The following KIF18B variants were observed in gnomAD, a reference collection of about 807,000 sequenced individuals.
The protein encoded by KIF18B is kinesin-like protein KIF18B.
KIF18B carries 49 observed loss-of-function variants against 80.9 expected under a neutral mutation model. The observed-to-expected ratio is 0.61, with a 90% CI of 0.48 to 0.77. KIF18B has a LOEUF of 0.77. Ranked by LOEUF, KIF18B falls within the 30% of genes least tolerant of loss-of-function variation. KIF18B has a pLI of 0.00. For synonymous variants in KIF18B, 439 were observed against 463.9 expected (o/e 0.95, Z 0.69); for missense variants, 994 against 1,127.7 (o/e 0.88, Z 1.70).
At chr17:44,946,592 A>G (rs979418837) in intron 1 of KIF18B, among the ~76,000 whole-genome samples, 6 of 152,246 alleles carry the variant, frequency 3.9e-5, no homozygotes, top group Non-Finnish European at 8.8e-5. Flanking sequence ...TAAGTGCTCA[A>G]TAGATATTAG....
At position 44,933,923 on chromosome 17, in the gene KIF18B, C is replaced by T. The variant is rs905981902; in HGVS notation, c.1062G>A (p.Ser354=). The T allele has an allele frequency of 2.6e-5, 40 of 1,558,352 alleles. No homozygotes were observed. Among genetic ancestry groups the T allele is most frequent in the Admixed American group, 5.8e-5 (3 of 52,134 alleles). Residue 354 remains serine (S), a splice_region_variant and synonymous_variant, in exon 7 of 16, where the codon TCG becomes TCA. Transcript: ENST00000593135. ...CAAGCCGGCCCTGGCTGGCACGCACCGAGAGCCTGATCTCCTTGGCCCGGT... is the reference window on the plus strand; with the variant it reads ...CAAGCCGGCCCTGGCTGGCACGCACTGAGAGCCTGATCTCCTTGGCCCGGT... ...YADRAKEIRL[S]LKSNVTSLDC... is the part of the protein sequence containing the mutation.
chr17:44,932,063 G>T lies in KIF18B; in HGVS notation c.1382C>A (p.Ala461Asp), dbSNP rs745924164. ...CACACCCCCAAGTCCTACCTCCTCA[G>T]CTGGGCCTTCATCCTCATCCTCTGG... ...QSPEDEDEGP[A>D]EEVPTQMPEQ... Residue 461 changes from alanine (A) to aspartate (D), a missense_variant, in exon 10 of 16, where the codon GCT becomes GAT. Coordinates refer to ENST00000593135, the MANE Select transcript of KIF18B (RefSeq NM_001265577.2). 3 of 1,610,996 alleles carry T rather than the reference G, an allele frequency of 1.9e-6. No homozygotes were observed. Among genetic ancestry groups the T allele is most frequent in the Non-Finnish European group, 1.7e-6 (2 of 1,178,064 alleles).
chr17:44,944,823 C>T (rs1477867665), intron 1 of KIF18B, among the ~76,000 whole-genome samples: 2 of 152,090 alleles, frequency 1.3e-5, no homozygotes, highest in African/African-American at 4.8e-5. Context: ...GTTGTTTTTT[C>T]CTAGAAAATT....
At chr17:44,941,186 A>C (rs1235026993) in intron 1 of KIF18B, among the ~76,000 whole-genome samples, 2 of 152,172 alleles carry the variant, frequency 1.3e-5, no homozygotes, top group Non-Finnish European at 2.9e-5. Flanking sequence ...ACATCGGGCT[A>C]TACTGCCTTA....
chr17:44,935,020 C>G (rs114378465), intron 3 of KIF18B, 85 bp from the exon 4 acceptor site: 4 of 1,044,086 alleles, frequency 3.8e-6, no homozygotes, highest in Non-Finnish European at 5.6e-6. Context: ...GGAGCTGAGG[C>G]CGGGATGTAT....
At chr17:44,943,442 T>C (rs2052456793) in intron 1 of KIF18B, among the ~76,000 whole-genome samples, 1 of 152,128 alleles carries the variant, frequency 6.6e-6, no homozygotes, top group South Asian at 2.1e-4. Flanking sequence ...CTGTAATTGA[T>C]GATAGCGTTG....
At chr17:44,945,671 G>A (rs544126370) in intron 1 of KIF18B, among the ~76,000 whole-genome samples, 5 of 152,116 alleles carry the variant, frequency 3.3e-5, no homozygotes, top group Admixed American at 6.6e-5. Flanking sequence ...TTGGGAGACC[G>A]AGGTGGGTGG....
chr17:44,945,763 G>A (rs371485047), intron 1 of KIF18B, among the ~76,000 whole-genome samples: 14 of 151,970 alleles, frequency 9.2e-5, no homozygotes, highest in East Asian at 1.9e-4. Flanking sequence ...AAAATTAGCC[G>A]GGTGTGGTGG....
In KIF18B at chr17:44,934,382, G is replaced by A; in HGVS notation, c.736C>T (p.Gln246Ter). ...DRVPGLTQAV[Q>*]VAKMSLIDLA... ...TCAATCAGGCTCATCTTGGCCACCT[G>A]GACAGCCTGGGTCAGTCCTGGAACC... The change falls in exon 6 of 16, where the codon CAG (glutamine) becomes TAG (stop). Residue 246 changes from glutamine (Q) to a stop codon, truncating the protein, a stop_gained. Transcript: ENST00000593135. LOFTEE classifies it high-confidence loss of function. The surrounding 1 kb of genome is among the most constrained non-coding windows in gnomAD (Gnocchi z 5.4). 1 of 1,606,692 alleles carries A rather than the reference G, an allele frequency of 6.2e-7. No homozygotes were observed. The highest frequency in any genetic ancestry group is 8.5e-7 in the Non-Finnish European group (1 of 1,176,430).
rs59137224 is a variant in KIF18B at position 44,936,555 on chromosome 17, ACTCTCTCTCT to A, written c.-14-207_-14-198del. ...ATACCATCTTTGTCATACTCAAATG[ACTCTCTCTCT>A]CTCTCTCTCTCTCTCTCTCTCTCTC... On this transcript the variant is annotated intron_variant, in intron 1 of 15. Transcript: ENST00000593135. 8.1e-3 allele frequency among the ~76,000 whole-genome samples: 300 copies of A among 37,138 alleles called. 12 individuals carry two copies. The highest frequency in any genetic ancestry group is 0.023 in the Middle Eastern group (1 of 44). 24.4% of individuals were successfully genotyped at this position (37,138 alleles called of 152,430 possible).
rs748709661 is a variant in KIF18B, at chr17:44,934,290, G to T, written c.828C>A (p.Asn276Lys). ...TGAGCGCCAGCAGAGAGCGGTTGATGTTGGCCCCCTCCCGCAGCCGCTCCC... is the reference window on the plus strand; with the variant it reads ...TGAGCGCCAGCAGAGAGCGGTTGATTTTGGCCCCCTCCCGCAGCCGCTCCC... ...AKGERLREGANINRSLLALIN... is the reference protein window; with the variant it reads ...AKGERLREGAKINRSLLALIN... The change falls in exon 6 of 16, where the codon AAC (asparagine) becomes AAA (lysine). Residue 276 changes from asparagine to lysine, a missense_variant. Coordinates refer to ENST00000593135, the MANE Select transcript of KIF18B (RefSeq NM_001265577.2). This position sits in a 1 kb window ranked among gnomAD's most constrained non-coding sequence, Gnocchi z 5.4. 1.2e-6 allele frequency: 2 copies of T among 1,613,314 alleles called. No individual in the cohort carries two copies. Among genetic ancestry groups the T allele is most frequent in the South Asian group, 1.1e-5 (1 of 90,928 alleles).
At chr17:44,947,183 A>C (rs1217960995) in intron 1 of KIF18B, among the ~76,000 whole-genome samples, 1 of 150,802 alleles carries the variant, frequency 6.6e-6, no homozygotes. Context: ...GCAGCTCTGC[A>C]ATCAGTTCAG....
chr17:44,934,189 C>A lies in KIF18B; in HGVS notation c.885+44G>T. ...TGGCCTTTGGCCCTGGGTTCAGGTGCTCAGTTGCTATCCTGGGGAGAATAC... is the reference window on the plus strand; with the variant it reads ...TGGCCTTTGGCCCTGGGTTCAGGTGATCAGTTGCTATCCTGGGGAGAATAC... On this transcript the variant is annotated intron_variant, in intron 6 of 15. Coordinates refer to ENST00000593135, the MANE Select transcript of KIF18B (RefSeq NM_001265577.2). This position sits in a 1 kb window ranked among gnomAD's most constrained non-coding sequence, Gnocchi z 5.4. The A allele has an allele frequency of 6.3e-7, 1 of 1,594,338 alleles. No homozygotes were observed. The highest frequency in any genetic ancestry group is 1.1e-5 in the South Asian group (1 of 88,516).
At position 44,933,902 on chromosome 17, in the gene KIF18B, C is replaced by A. The variant is rs770258191; in HGVS notation, c.1062+21G>T. 1.2e-5 allele frequency: 19 copies of A among 1,540,304 alleles called. No homozygotes were observed. The African/African-American group carries it at 2.3e-4, about 19-fold the overall frequency. On this transcript the variant is annotated intron_variant, in intron 7 of 15. Coordinates refer to ENST00000593135, the MANE Select transcript of KIF18B (RefSeq NM_001265577.2). ...CGGCTGGAGCTGCCCCACGCCCAAG[C>A]CGGCCCTGGCTGGCACGCACCGAGA...
At position 44,927,522 on chromosome 17, in the gene KIF18B, G is replaced by C. The variant is rs572812915; in HGVS notation, c.2277-444C>G. 6.6e-6 allele frequency among the ~76,000 whole-genome samples: 1 copy of C among 152,354 alleles called. No homozygotes were observed. The highest frequency in any genetic ancestry group is 1.9e-4 in the East Asian group (1 of 5,186). On this transcript the variant is annotated intron_variant, in intron 13 of 15. Coordinates refer to ENST00000593135, the MANE Select transcript of KIF18B (RefSeq NM_001265577.2). This position sits in a 1 kb window ranked among gnomAD's most constrained non-coding sequence, Gnocchi z 4.1. Reference sequence around the variant, plus strand: ...CCTCTGCCATGTGTGTGGAAAGGGGGAGTGACAGCTTCGTCTTCTCACTGG... The same window carrying C: ...CCTCTGCCATGTGTGTGGAAAGGGGCAGTGACAGCTTCGTCTTCTCACTGG...
chr17:44,936,588 CTCTCTCTCTCTATATATATATATA>C (rs2052303999), intron 1 of KIF18B, among the ~76,000 whole-genome samples: 1 of 58,638 alleles, frequency 1.7e-5, no homozygotes, highest in African/African-American at 6.7e-5. Flanking sequence ...CTCTCTCTCT[CTCTCTCTCTCTATATATATATATA>C]TATATATATA....
chr17:44,927,212 C>G lies in KIF18B; in HGVS notation c.2277-134G>C. On this transcript the variant is annotated intron_variant, in intron 13 of 15. Coordinates refer to ENST00000593135, the MANE Select transcript of KIF18B (RefSeq NM_001265577.2). This position sits in a 1 kb window ranked among gnomAD's most constrained non-coding sequence, Gnocchi z 4.1. ...AAGATGACCTCTGAGGTTTCTTCTA[C>G]AAAGAGGTGGATTCCTCTCTCTGCC... 4.8e-6 allele frequency: 3 copies of G among 629,774 alleles called. No individual in the cohort carries two copies. The highest frequency in any genetic ancestry group is 8.2e-6 in the Non-Finnish European group (3 of 364,508). 39.0% of individuals were successfully genotyped at this position (629,774 alleles called of 1,614,324 possible).
rs866587541 is a variant in KIF18B, at chr17:44,928,272, C to T, written c.2030G>A (p.Gly677Glu). 4 of 1,613,522 alleles carry T rather than the reference C, an allele frequency of 2.5e-6. No individual in the cohort carries two copies. The African/African-American group carries it at 5.3e-5, about 22-fold the overall frequency. ...ATGGCAGGGGGAGGAGGCCCTTTCTCCTTTGGGGGTGCTGGGCCCCTGTGA... is the reference window on the plus strand; with the variant it reads ...ATGGCAGGGGGAGGAGGCCCTTTCTTCTTTGGGGGTGCTGGGCCCCTGTGA... Reference protein sequence around the residue: ...QPSQGPSTPKGERASSPCHSP... With the variant: ...QPSQGPSTPKEERASSPCHSP... The change falls in exon 13 of 16, where the codon GGA becomes GAA. Residue 677 changes from glycine (G) to glutamate (E), a missense_variant. By Grantham distance (98) the Gly-to-Glu change is moderately conservative. Coordinates refer to ENST00000593135, the MANE Select transcript of KIF18B (RefSeq NM_001265577.2).
intron 1 of KIF18B, among the ~76,000 whole-genome samples, chr17:44,941,776 G>A (rs1381679839): frequency 1.3e-5 from 2 of 152,190 alleles, no homozygotes; most frequent in African/African-American, 2.4e-5. Context: ...TGCTCCCCAT[G>A]GGGAGGGCTT....
Sources: gnomAD v4.1 joint callset for allele counts (sites outside exome capture counted in the v4.1 genomes callset) on GRCh38, gnomAD v4.1.1 for gene constraint, Gnocchi (gnomAD v3.1) non-coding constraint, MANE v1.5 for transcripts, NCBI Gene and HGNC (gene_info 2026-07-23, HGNC 2026-07-21) for gene names.